The following UGT3A1 variants were observed in gnomAD, a reference collection of about 807,000 sequenced individuals.
UGT3A1 encodes UDP glycosyltransferase family 3 member A1, also known as UDP-glycosyltransferase 3A1.
In UGT3A1, 40 loss-of-function variants were observed where a neutral mutation model predicts 37.6. The observed-to-expected ratio is 1.06, with a 90% CI of 0.83 to 1.38. The LOEUF (loss-of-function observed/expected upper bound fraction) is 1.38. UGT3A1 is among the 40% of genes most tolerant of loss of function. The probability of loss-of-function intolerance (pLI) is 0.00; values close to 1 mark genes in which losing one functional copy is unlikely to be tolerated. For missense variants in UGT3A1, 642 were observed against 634.2 expected, an observed-to-expected ratio of 1.01 and a Z score of -0.13; for synonymous variants, 256 against 232.3, an observed-to-expected ratio of 1.10 and a Z score of -0.93.
chr5:35,995,169 T>G (rs1440012787), upstream of UGT3A1, among the ~76,000 whole-genome samples: 1 of 152,130 alleles, frequency 6.6e-6, no homozygotes, highest in Non-Finnish European at 1.5e-5. Context: ...TACCTCCACC[T>G]CCACCCTCAC....
chr5:35,984,409 A>G, intron 2 of UGT3A1, among the ~76,000 whole-genome samples: 1 of 150,308 alleles, frequency 6.7e-6, no homozygotes. Context: ...TCATTACATC[A>G]CCCTCATTCT....
At chr5:35,976,000 G>T (rs746399600) in intron 2 of UGT3A1, among the ~76,000 whole-genome samples, 4 of 151,986 alleles carry the variant, frequency 2.6e-5, no homozygotes, top group Non-Finnish European at 5.9e-5. Context: ...GGTATCAAGG[G>T]GTAGAAATGG....
chr5:35,990,653 G>A (rs1250476516), intron 1 of UGT3A1, among the ~76,000 whole-genome samples: 1 of 152,046 alleles, frequency 6.6e-6, no homozygotes, highest in Admixed American at 6.5e-5. Flanking sequence ...ATACCTGCCT[G>A]CGCCACCCTG....
At chr5:35,960,554 C>T (rs1394298258) in intron 4 of UGT3A1, among the ~76,000 whole-genome samples, 1 of 152,164 alleles carries the variant, frequency 6.6e-6, no homozygotes, top group African/African-American at 2.4e-5. Context: ...TGGGTGAGTG[C>T]TTTGGGGCTC....
upstream of UGT3A1, among the ~76,000 whole-genome samples, chr5:35,995,952 C>T (rs1348769581): frequency 6.7e-6 from 1 of 148,648 alleles, no homozygotes; most frequent in African/African-American, 2.5e-5. Context: ...TAAAATGGCA[C>T]ATGACAAATT....
chr5:35,991,988 A>C (rs1740965835), upstream of UGT3A1, among the ~76,000 whole-genome samples: 1 of 152,236 alleles, frequency 6.6e-6, no homozygotes, highest in South Asian at 2.1e-4. Context: ...CAAACTGAGA[A>C]TAGCTTGTAA....
upstream of UGT3A1, among the ~76,000 whole-genome samples, chr5:35,992,224 T>A (rs1252137504): frequency 6.6e-6 from 1 of 152,226 alleles, no homozygotes; most frequent in Non-Finnish European, 1.5e-5. Flanking sequence ...ACATTTTTAA[T>A]CTGAATTTAA....
chr5:35,988,985 T>C (rs774353712), intron 1 of UGT3A1, among the ~76,000 whole-genome samples: 7 of 152,208 alleles, frequency 4.6e-5, no homozygotes, highest in Non-Finnish European at 2.9e-5. Flanking sequence ...GGGTTCCTAA[T>C]GGGCAATCAG....
At chr5:35,990,531 A>G (rs1484182515) in intron 1 of UGT3A1, among the ~76,000 whole-genome samples, 1 of 152,136 alleles carries the variant, frequency 6.6e-6, no homozygotes, top group Middle Eastern at 3.2e-3. Context: ...CGGCACAGGT[A>G]AAAGGAAGGA....
At chr5:35,999,946 G>T (rs1306990966) in intron 1 of UGT3A1, among the ~76,000 whole-genome samples, 1 of 152,162 alleles carries the variant, frequency 6.6e-6, no homozygotes, top group Non-Finnish European at 1.5e-5. Context: ...ATGCCATTGT[G>T]GGGAGTCCCC....
chr5:35,962,692 AGCT>A, intron 4 of UGT3A1: 1 of 569,868 alleles, frequency 1.8e-6, no homozygotes, highest in East Asian at 2.9e-5. Context: ...GAAAATGTCC[AGCT>A]GCCAGATGGT....
chr5:35,959,423 A>G (rs984692212), intron 4 of UGT3A1, among the ~76,000 whole-genome samples: 2 of 152,222 alleles, frequency 1.3e-5, no homozygotes, highest in Non-Finnish European at 2.9e-5. Context: ...ATGCCCAAGG[A>G]GCTCATGGAA....
chr5:35,983,745 T>C (rs1347205084), intron 2 of UGT3A1, among the ~76,000 whole-genome samples: 1 of 152,126 alleles, frequency 6.6e-6, no homozygotes, highest in Admixed American at 6.5e-5. Flanking sequence ...TAGTTCAACA[T>C]ATGCAAATCA....
At chr5:35,990,838 G>T in intron 1 of UGT3A1, 1 of 988,722 alleles carries the variant, frequency 1.0e-6, no homozygotes, top group Non-Finnish European at 1.3e-6. Context: ...AGAGAAGGCA[G>T]CCCAGGAACT....
intron 1 of UGT3A1, among the ~76,000 whole-genome samples, chr5:35,997,763 A>G (rs982148806): frequency 3.9e-5 from 6 of 152,186 alleles, no homozygotes; most frequent in African/African-American, 1.4e-4. Flanking sequence ...ACACTCATCC[A>G]GTATGTGCAT....
At chr5:35,955,519 A>G (rs545364610) in intron 6 of UGT3A1, 126 bp downstream of exon 6, 1 of 1,105,714 alleles carries the variant, frequency 9.0e-7, no homozygotes, top group African/African-American at 1.5e-5. Context: ...GGCTGTTAGC[A>G]TCACACACAT....
chr5:35,967,237 GGAGA>G (rs1739844792), intron 3 of UGT3A1, among the ~76,000 whole-genome samples: 2 of 152,328 alleles, frequency 1.3e-5, no homozygotes, highest in South Asian at 4.1e-4. Flanking sequence ...GACCTATGGA[GGAGA>G]GAAAGTGGTC....
At chr5:35,962,111 G>A (rs1739610227) in intron 4 of UGT3A1, 1 of 152,140 alleles carries the variant, frequency 6.6e-6, no homozygotes, top group Non-Finnish European at 1.5e-5. Flanking sequence ...GACACTATAT[G>A]TGAAACAAAG....
intron 2 of UGT3A1, among the ~76,000 whole-genome samples, chr5:35,977,100 GAA>G (rs1740317443): frequency 1.5e-4 from 9 of 59,384 alleles, no homozygotes; most frequent in African/African-American, 5.3e-4. Flanking sequence ...GAGAAAGAAA[GAA>G]AGAGAAAGAG....
Sources: allele counts gnomAD v4.1 joint callset (sites outside exome capture counted in the v4.1 genomes callset), GRCh38; gene constraint gnomAD v4.1.1; transcripts MANE v1.5; gene names NCBI Gene and HGNC (gene_info 2026-07-23, HGNC 2026-07-21).